Variants in ACVR1B observed in about 807,000 individuals in gnomAD.
The protein encoded by ACVR1B is activin receptor type-1B.
In ACVR1B, 15 loss-of-function variants were observed where a neutral mutation model predicts 55.6. The ratio of observed to expected loss-of-function variants is 0.27; its 90% CI spans 0.18 to 0.42. The LOEUF (loss-of-function observed/expected upper bound fraction) is 0.42, where lower values mean the gene tolerates loss of function less well. ACVR1B is among the 10% of genes least tolerant of loss of function. The probability of loss-of-function intolerance (pLI) is 1.00; values close to 1 mark genes in which losing one functional copy is unlikely to be tolerated. For missense variants in ACVR1B, 359 were observed against 670.1 expected (o/e 0.54, Z 5.13); for synonymous variants, 247 against 254.6 (o/e 0.97, Z 0.28).
intron 7 of ACVR1B, 76 bp downstream of exon 7, chr12:51,987,018 CTT>C (rs759588784): frequency 2.5e-5 from 40 of 1,602,290 alleles, no homozygotes; most frequent in South Asian, 7.7e-5. Context: ...TTACTGCCCC[CTT>C]TCTTTTTACA....
chr12:51,993,994 G>A lies in ACVR1B; in HGVS notation c.1402G>A (p.Val468Met), dbSNP rs768719012. The A allele has an allele frequency of 6.2e-7, 1 of 1,614,048 alleles. No homozygotes were observed. The highest frequency in any genetic ancestry group is 8.5e-7 in the Non-Finnish European group (1 of 1,180,030). The part of the protein sequence containing the change: ...NWWQSYEALR[V>M]MGKMMRECWY... ...CTGGGTCTCTGCACAGGCACTGCGGGTGATGGGGAAGATGATGCGAGAGTG... is the reference window on the plus strand; with the variant it reads ...CTGGGTCTCTGCACAGGCACTGCGGATGATGGGGAAGATGATGCGAGAGTG... The change falls in exon 9 of 9, where the codon GTG (valine) becomes ATG (methionine). Residue 468 changes from valine to methionine, a missense_variant. Physicochemically the swap from Val to Met is conservative, Grantham distance 21 (BLOSUM62 1). Around this residue, in one of 5 missense-constraint regions of ACVR1B, gnomAD observed 53 missense variants for 78.5 expected, o/e 0.68. Transcript: ENST00000257963.
At position 51,963,340 on chromosome 12, in the gene ACVR1B, G is replaced by A. The variant is rs375716277; in HGVS notation, c.91+11506G>A. Among the ~76,000 whole-genome samples, 168 of 152,172 alleles carry A rather than the reference G, an allele frequency of 1.1e-3. 4 individuals are homozygous for A. The South Asian group carries it at 0.034, about 31-fold the overall frequency. On this transcript the variant is annotated intron_variant, in intron 1 of 8. Coordinates refer to ENST00000257963, the MANE Select transcript of ACVR1B (RefSeq NM_004302.5). ...GCTCATTGCAACCTCTGCCTCCCAGGTTCAAGCGATTCTCCTGTCTCAACC... is the reference window on the plus strand; with the variant it reads ...GCTCATTGCAACCTCTGCCTCCCAGATTCAAGCGATTCTCCTGTCTCAACC...
intron 1 of ACVR1B, among the ~76,000 whole-genome samples, chr12:51,964,891 T>C (rs897700764): frequency 6.6e-6 from 1 of 152,130 alleles, no homozygotes; most frequent in Non-Finnish European, 1.5e-5. Flanking sequence ...GAAGTATGAG[T>C]CCTCCAACTT....
rs1428724120 is a variant in ACVR1B at position 51,988,694 on chromosome 12, A to G, written c.1261+1752A>G. 5.3e-5 allele frequency among the ~76,000 whole-genome samples: 8 copies of G among 152,252 alleles called. No individual in the cohort carries two copies. In the East Asian group the frequency reaches 7.7e-4, roughly 15 times the overall value. The stretch of plus-strand genomic sequence containing the variant: ...TACAAATGAAGAAAATGAGTCACAG[A>G]GAAGTTAGGAAATTTGTCTAAGGTC... On this transcript the variant is annotated intron_variant, in intron 7 of 8. Transcript: ENST00000257963.
intron 7 of ACVR1B, among the ~76,000 whole-genome samples, chr12:51,990,286 TCA>T (rs202177119): frequency 6.5e-5 from 9 of 138,626 alleles, no homozygotes; most frequent in East Asian, 2.3e-4. Context: ...AGAGTGAAAC[TCA>T]CACACACACA....
In ACVR1B at chr12:51,981,038, G is replaced by A. The variant is rs2120660559; in HGVS notation, c.650G>A (p.Arg217Gln). 1 of 1,614,156 alleles carries A rather than the reference G, an allele frequency of 6.2e-7. No individual in the cohort carries two copies. The highest frequency in any genetic ancestry group is 8.5e-7 in the Non-Finnish European group (1 of 1,180,018). The change falls in exon 4 of 9, where the codon CGG (arginine) becomes CAG (glutamine). Residue 217 changes from arginine to glutamine, a missense_variant. Physicochemically the swap from Arg to Gln is conservative, Grantham distance 43 (BLOSUM62 1). Transcript: ENST00000257963. ...IVLQEIIGKG[R>Q]FGEVWRGRWR... ...TTACAAGAGATTATTGGCAAGGGTCGGTTTGGGGAAGTATGGCGGGGCCGC... is the reference window on the plus strand; with the variant it reads ...TTACAAGAGATTATTGGCAAGGGTCAGTTTGGGGAAGTATGGCGGGGCCGC...
chr12:51,968,190 A>G (rs1004204532), intron 1 of ACVR1B, among the ~76,000 whole-genome samples: 1 of 152,216 alleles, frequency 6.6e-6, no homozygotes, highest in Non-Finnish European at 1.5e-5. Flanking sequence ...CTGAGATTGC[A>G]CCATGGCATT....
At position 51,995,298 on chromosome 12, in the gene ACVR1B, G is replaced by C. The variant is rs146448253; in HGVS notation, c.*1188G>C. ...GGGAAGGGAAGGGCGGGCAAGGAGT[G>C]GGGAGGGAGTCTGGGGTGGGAGGGA... On this transcript the variant is annotated 3_prime_UTR_variant, in exon 9 of 9. Transcript: ENST00000257963. The C allele has an allele frequency of 6.6e-6, 1 of 151,352 alleles. No individual in the cohort carries two copies. The highest frequency in any genetic ancestry group is 6.6e-5 in the Admixed American group (1 of 15,156). The allele number at this position is 151,352 out of a possible 1,614,324, so 9.4% of individuals were successfully genotyped here.
chr12:51,960,772 A>C (rs1278124344), intron 1 of ACVR1B, among the ~76,000 whole-genome samples: 1 of 152,120 alleles, frequency 6.6e-6, no homozygotes, highest in Non-Finnish European at 1.5e-5. Flanking sequence ...CTCTGCCTTC[A>C]ATCTCCCATT....
intron 1 of ACVR1B, among the ~76,000 whole-genome samples, chr12:51,970,285 G>A (rs754875523): frequency 4.6e-5 from 7 of 152,086 alleles, no homozygotes; most frequent in African/African-American, 9.7e-5. Flanking sequence ...GGAAAAGATC[G>A]AACTTAGACC....
intron 1 of ACVR1B, among the ~76,000 whole-genome samples, chr12:51,959,125 A>G (rs1424767845): frequency 6.6e-6 from 1 of 152,184 alleles, no homozygotes; most frequent in Non-Finnish European, 1.5e-5. Flanking sequence ...AAGATTCCCC[A>G]TGTTTGGTGT....
intron 8 of ACVR1B, among the ~76,000 whole-genome samples, chr12:51,992,617 G>A (rs933502438): frequency 2.7e-4 from 41 of 152,194 alleles, no homozygotes; most frequent in Non-Finnish European, 2.4e-4. Flanking sequence ...TCTGGAGCCC[G>A]AGCTGAGCTG....
At chr12:51,984,354 C>T (rs1257100446) in intron 5 of ACVR1B, among the ~76,000 whole-genome samples, 188 bp downstream of exon 5, 2 of 152,218 alleles carry the variant, frequency 1.3e-5, no homozygotes, top group East Asian at 3.8e-4. Context: ...TTCCCTTCAC[C>T]TCTGTCTTGA....
In ACVR1B at chr12:51,993,952, G is replaced by T; in HGVS notation, c.1393-33G>T. On this transcript the variant is annotated intron_variant, in intron 8 of 8. Coordinates refer to ENST00000257963, the MANE Select transcript of ACVR1B (RefSeq NM_004302.5). ...GACCAGAAAGGCTTCTCCAGGGCAT[G>T]ACCGAGCTGATGGCTCCTGGGTCTC... is the stretch of plus-strand genomic sequence containing the variant. 2.5e-6 allele frequency: 4 copies of T among 1,612,322 alleles called. No individual in the cohort carries two copies. The South Asian group carries it at 4.4e-5, about 18-fold the overall frequency.
chr12:51,992,524 T>C (rs534321623), intron 8 of ACVR1B, among the ~76,000 whole-genome samples: 4 of 152,294 alleles, frequency 2.6e-5, no homozygotes, highest in African/African-American at 7.2e-5. Context: ...GACAAGGCTT[T>C]GTCTCCAAGA....
In ACVR1B at chr12:51,996,994, T is replaced by C. The variant is rs956029878; in HGVS notation, c.*2884T>C. ...TCTTCAGTATGCAAATGTAAATAAA[T>C]TGTAATATAGGAAATCTTTTGTTTT... is the stretch of plus-strand genomic sequence containing the variant. On this transcript the variant is annotated 3_prime_UTR_variant, in exon 9 of 9. Transcript: ENST00000257963. The C allele has an allele frequency of 1.3e-5, 2 of 152,648 alleles. No homozygotes were observed. The highest frequency in any genetic ancestry group is 2.9e-5 in the Non-Finnish European group (2 of 68,044). 9.5% of individuals were successfully genotyped at this position (152,648 alleles called of 1,614,324 possible).
chr12:51,956,221 G>A (rs915241818), intron 1 of ACVR1B, among the ~76,000 whole-genome samples: 1 of 152,136 alleles, frequency 6.6e-6, no homozygotes. Context: ...TGTCCACCCA[G>A]TCTTAAGCCT....
intron 7 of ACVR1B, among the ~76,000 whole-genome samples, chr12:51,988,305 C>T (rs1942120804): frequency 6.6e-6 from 1 of 152,144 alleles, no homozygotes; most frequent in Non-Finnish European, 1.5e-5. Context: ...CCTGTCTCTA[C>T]TAAAAATACA....
intron 1 of ACVR1B, among the ~76,000 whole-genome samples, chr12:51,963,148 TATTTTA>T (rs1394173671): frequency 6.6e-6 from 1 of 152,218 alleles, no homozygotes; most frequent in Non-Finnish European, 1.5e-5. Flanking sequence ...TAAAATGTAC[TATTTTA>T]ATTGTACAAT....
Sources: allele counts gnomAD v4.1 joint callset (sites outside exome capture counted in the v4.1 genomes callset), GRCh38; gene constraint gnomAD v4.1.1; regional missense constraint gnomAD v4.1.1; transcripts MANE v1.5; gene names NCBI Gene and HGNC (gene_info 2026-07-23, HGNC 2026-07-21).